Variants in NR3C2 observed in about 807,000 individuals in gnomAD.
The protein encoded by NR3C2 is nuclear receptor subfamily 3 group C member 2, also known as mineralocorticoid receptor.
NR3C2 carries 15 observed loss-of-function variants against 86.4 expected under a neutral mutation model. The observed-to-expected ratio is 0.17, with a 90% confidence interval of 0.12 to 0.27. The LOEUF (loss-of-function observed/expected upper bound fraction) is 0.27, where lower values mean the gene tolerates loss of function less well. Ranked by LOEUF, NR3C2 falls within the 10% of genes least tolerant of loss-of-function variation. The pLI is 1.00. For missense variants in NR3C2, 960 were observed against 1,195.6 expected (o/e 0.80, Z 2.91); for synonymous variants, 458 against 450.5 (o/e 1.02, Z -0.21).
At chr4:148,323,350 C>G (rs1309914376) in intron 2 of NR3C2, among the ~76,000 whole-genome samples, 6 of 148,908 alleles carry the variant, frequency 4.0e-5, no homozygotes, top group African/African-American at 1.5e-4. Context: ...GTGCCCTGCC[C>G]CCAGAGGTGG....
chr4:148,156,334 A>C (rs1056330363), intron 4 of NR3C2, among the ~76,000 whole-genome samples: 3 of 152,180 alleles, frequency 2.0e-5, no homozygotes, highest in African/African-American at 4.8e-5. Context: ...CAACCTACAA[A>C]ATGGGAGAAA....
intron 2 of NR3C2, among the ~76,000 whole-genome samples, chr4:148,310,131 TTCC>T: frequency 6.6e-6 from 1 of 152,350 alleles, no homozygotes; most frequent in East Asian, 1.9e-4. Context: ...TTTAAGATAC[TTCC>T]TCCTAAACTA....
intron 2 of NR3C2, among the ~76,000 whole-genome samples, chr4:148,376,315 T>C (rs1746678014): frequency 6.6e-6 from 1 of 152,108 alleles, no homozygotes; most frequent in Non-Finnish European, 1.5e-5. Context: ...AAAAAGAATC[T>C]GCGCCACAGC....
chr4:148,127,808 A>C (rs1168028253), intron 6 of NR3C2, among the ~76,000 whole-genome samples: 1 of 152,240 alleles, frequency 6.6e-6, no homozygotes, highest in African/African-American at 2.4e-5. Flanking sequence ...AGTTTTGTAA[A>C]CTTGAAATTT....
At chr4:148,277,363 A>G (rs1741010139) in intron 2 of NR3C2, among the ~76,000 whole-genome samples, 1 of 152,234 alleles carries the variant, frequency 6.6e-6, no homozygotes, top group Non-Finnish European at 1.5e-5. Flanking sequence ...GCTACAGATC[A>G]TCCTCATAGG....
At chr4:148,128,427 CAGA>C (rs1288179080) in intron 6 of NR3C2, among the ~76,000 whole-genome samples, 1 of 152,194 alleles carries the variant, frequency 6.6e-6, no homozygotes, top group African/African-American at 2.4e-5. Flanking sequence ...TGTATTTTGA[CAGA>C]AGTAGATATT....
intron 2 of NR3C2, among the ~76,000 whole-genome samples, chr4:148,287,276 G>A (rs974995762): frequency 6.6e-6 from 1 of 152,104 alleles, no homozygotes; most frequent in African/African-American, 2.4e-5. Context: ...TAAAGCTCTG[G>A]GAAGGCTTCC....
chr4:148,318,910 G>C (rs1218913517), intron 2 of NR3C2, among the ~76,000 whole-genome samples: 1 of 150,580 alleles, frequency 6.6e-6, no homozygotes. Flanking sequence ...TTTGGCTTTT[G>C]TTGCCATTGC....
intron 2 of NR3C2, among the ~76,000 whole-genome samples, chr4:148,434,404 C>G (rs1226974715): frequency 6.6e-6 from 1 of 152,098 alleles, no homozygotes; most frequent in Non-Finnish European, 1.5e-5. Context: ...TGTCTTCTTG[C>G]AGATCTGAAA....
At chr4:148,424,295 T>C (rs1749424939) in intron 2 of NR3C2, among the ~76,000 whole-genome samples, 1 of 152,168 alleles carries the variant, frequency 6.6e-6, no homozygotes, top group Non-Finnish European at 1.5e-5. Flanking sequence ...TATCAAGTGT[T>C]GGAAAGGATG....
intron 2 of NR3C2, among the ~76,000 whole-genome samples, chr4:148,335,030 T>C (rs1744411749): frequency 6.6e-6 from 1 of 152,228 alleles, no homozygotes; most frequent in Non-Finnish European, 1.5e-5. Context: ...TCCAGTTATA[T>C]TACATTAGGG....
At chr4:148,393,018 A>G (rs934546084) in intron 2 of NR3C2, among the ~76,000 whole-genome samples, 2 of 152,186 alleles carry the variant, frequency 1.3e-5, no homozygotes, top group African/African-American at 4.8e-5. Flanking sequence ...GTTTCCTACA[A>G]GTGCAAGATC....
chr4:148,242,246 C>T (rs1241386286), intron 3 of NR3C2, among the ~76,000 whole-genome samples: 1 of 152,132 alleles, frequency 6.6e-6, no homozygotes, highest in Non-Finnish European at 1.5e-5. Context: ...CAATGATATA[C>T]ACTTATCAAA....
intron 2 of NR3C2, among the ~76,000 whole-genome samples, chr4:148,291,553 A>C (rs1408861156): frequency 2.0e-5 from 3 of 152,010 alleles, no homozygotes; most frequent in African/African-American, 2.4e-5. Flanking sequence ...ATTCTCTTTC[A>C]TTCAGTTCCC....
intron 2 of NR3C2, among the ~76,000 whole-genome samples, chr4:148,418,255 T>C (rs1012079028): frequency 6.6e-6 from 1 of 152,236 alleles, no homozygotes; most frequent in African/African-American, 2.4e-5. Context: ...GTCATATTTC[T>C]ATGCTGAGTA....
At chr4:148,400,552 G>A (rs551703656) in intron 2 of NR3C2, among the ~76,000 whole-genome samples, 70 of 152,070 alleles carry the variant, frequency 4.6e-4, no homozygotes, top group Non-Finnish European at 7.8e-4. Context: ...AGGCTGAGGC[G>A]GGCGGATCAT....
intron 3 of NR3C2, among the ~76,000 whole-genome samples, chr4:148,236,616 C>T: frequency 6.6e-6 from 1 of 152,104 alleles, no homozygotes; most frequent in Non-Finnish European, 1.5e-5. Context: ...ACTAATAATG[C>T]TCATATTTCA....
intron 2 of NR3C2, among the ~76,000 whole-genome samples, chr4:148,264,171 G>C (rs1411376699): frequency 3.9e-5 from 6 of 152,146 alleles, no homozygotes; most frequent in Non-Finnish European, 7.4e-5. Flanking sequence ...ATTGTCAAAA[G>C]CTCAGCCAGC....
chr4:148,218,940 A>G (rs778047213), intron 3 of NR3C2, among the ~76,000 whole-genome samples: 44 of 152,282 alleles, frequency 2.9e-4, no homozygotes, highest in Non-Finnish European at 4.9e-4. Context: ...AAATCTTTGT[A>G]TGGGCATACA....
Sources: allele counts gnomAD v4.1 joint callset (sites outside exome capture counted in the v4.1 genomes callset), GRCh38; gene constraint gnomAD v4.1.1; transcripts MANE v1.5; gene names NCBI Gene and HGNC (gene_info 2026-07-23, HGNC 2026-07-21).